TANK: variants seen among roughly 807,000 people sequenced by gnomAD.
TANK encodes TRAF family member-associated NF-kappa-B activator.
Under a neutral mutation model 43.6 loss-of-function variants are expected in TANK, and 15 were observed. The observed-to-expected ratio is 0.34, with a 90% CI of 0.23 to 0.53. The LOEUF is 0.53. Among genes scored for constraint, TANK ranks in the 20% least tolerant of loss-of-function variants. TANK has a pLI of 0.94. For synonymous variants in TANK, 162 were observed against 178.2 expected, an observed-to-expected ratio of 0.91 and a Z score of 0.73; for missense variants, 417 against 498.6, an observed-to-expected ratio of 0.84 and a Z score of 1.56.
intron 6 of TANK, chr2:161,227,162 A>G (rs1687673267): frequency 6.6e-6 from 1 of 152,182 alleles, no homozygotes; most frequent in Admixed American, 6.5e-5. Flanking sequence ...TAAGGTTTAA[A>G]TTTTTTTAAT....
chr2:161,226,683 T>C (rs1163535127), intron 6 of TANK, among the ~76,000 whole-genome samples: 2 of 152,168 alleles, frequency 1.3e-5, no homozygotes, highest in African/African-American at 4.8e-5. Context: ...ATTTCCTATT[T>C]ATTATTACTT....
intron 4 of TANK, chr2:161,216,589 CCA>C: frequency 6.2e-6 from 1 of 161,270 alleles, no homozygotes; most frequent in Non-Finnish European, 1.3e-5. Context: ...TCTTTCTTGG[CCA>C]AAAAAAAAAA....
At chr2:161,138,016 C>A in intron 1 of TANK, 2 of 633,280 alleles carry the variant, frequency 3.2e-6, no homozygotes, top group Non-Finnish European at 3.9e-6. Context: ...TTTTTCTCAT[C>A]TCATAAAAAG....
intron 4 of TANK, among the ~76,000 whole-genome samples, chr2:161,218,552 G>A (rs575719079): frequency 6.6e-6 from 1 of 152,128 alleles, no homozygotes; most frequent in South Asian, 2.1e-4. Flanking sequence ...TGGCTTGCCA[G>A]GTGCAGTGGC....
chr2:161,181,478 A>C (rs1345683030), intron 2 of TANK, among the ~76,000 whole-genome samples: 1 of 152,142 alleles, frequency 6.6e-6, no homozygotes, highest in Non-Finnish European at 1.5e-5. Context: ...TTGTGAAGAA[A>C]AGAGGTTTAA....
At chr2:161,213,329 G>T (rs545065835) in intron 4 of TANK, among the ~76,000 whole-genome samples, 1 of 152,006 alleles carries the variant, frequency 6.6e-6, no homozygotes, top group African/African-American at 2.4e-5. Flanking sequence ...CTGGCTGGGC[G>T]CAGTGGCTCA....
intron 4 of TANK, among the ~76,000 whole-genome samples, chr2:161,217,720 T>G (rs183817474): frequency 0.053 from 8,025 of 151,884 alleles, 673 homozygotes; most frequent in African/African-American, 0.18. Flanking sequence ...AAAGTCTAGT[T>G]TTTTGGTTTT....
At chr2:161,228,391 C>T (rs772269845) in intron 6 of TANK, among the ~76,000 whole-genome samples, 24 of 152,078 alleles carry the variant, frequency 1.6e-4, no homozygotes, top group East Asian at 1.9e-4. Context: ...ATTAGCCGGG[C>T]GTGGTGACGC....
intron 4 of TANK, among the ~76,000 whole-genome samples, chr2:161,210,698 A>C (rs1686846581): frequency 7.0e-6 from 1 of 143,214 alleles, no homozygotes; most frequent in African/African-American, 2.5e-5. Flanking sequence ...ACTCCGTCTA[A>C]AAAAAAAAAA....
chr2:161,144,240 A>G (rs1683837922), intron 1 of TANK, among the ~76,000 whole-genome samples: 1 of 151,634 alleles, frequency 6.6e-6, no homozygotes, highest in Admixed American at 6.6e-5. Context: ...TATTTTGTAA[A>G]CTTTTTCAAA....
chr2:161,205,183 A>G (rs1349316753), intron 4 of TANK, among the ~76,000 whole-genome samples: 1 of 152,074 alleles, frequency 6.6e-6, no homozygotes, highest in Non-Finnish European at 1.5e-5. Context: ...AAAATTAGCC[A>G]CGCAGAATGG....
chr2:161,200,355 C>T (rs967401091), intron 2 of TANK: 1 of 984,308 alleles, frequency 1.0e-6, no homozygotes, highest in Non-Finnish European at 1.2e-6. Context: ...TGTAAAAGGA[C>T]TTTTCTGGTT....
chr2:161,192,716 A>G (rs1462033332), intron 2 of TANK, among the ~76,000 whole-genome samples: 1 of 152,226 alleles, frequency 6.6e-6, no homozygotes, highest in Non-Finnish European at 1.5e-5. Context: ...TACTTCATAA[A>G]TAAGAAAGGA....
At chr2:161,206,210 G>A (rs1686646104) in intron 4 of TANK, among the ~76,000 whole-genome samples, 1 of 151,976 alleles carries the variant, frequency 6.6e-6, no homozygotes, top group Admixed American at 6.6e-5. Flanking sequence ...GTATATGTAT[G>A]TATATTATAT....
intron 1 of TANK, among the ~76,000 whole-genome samples, chr2:161,144,559 C>T (rs1472990029): frequency 6.6e-6 from 1 of 152,108 alleles, no homozygotes; most frequent in Non-Finnish European, 1.5e-5. Context: ...TCATTATTTA[C>T]CTAGGAGTCA....
chr2:161,140,831 G>C (rs936554159), intron 1 of TANK, among the ~76,000 whole-genome samples: 6 of 151,480 alleles, frequency 4.0e-5, no homozygotes, highest in Non-Finnish European at 7.4e-5. Flanking sequence ...TTAATGAATA[G>C]TCTGTCTTTT....
intron 2 of TANK, among the ~76,000 whole-genome samples, chr2:161,180,380 C>T (rs1450392912): frequency 2.6e-5 from 4 of 152,036 alleles, no homozygotes; most frequent in African/African-American, 7.2e-5. Context: ...ATTACTTAAC[C>T]TCATAGTTCT....
At chr2:161,180,408 C>T (rs982828334) in intron 2 of TANK, among the ~76,000 whole-genome samples, 3 of 152,118 alleles carry the variant, frequency 2.0e-5, no homozygotes, top group African/African-American at 7.2e-5. Context: ...ATGTCTGTTA[C>T]TGGTTCATGA....
rs747718521 is a variant in TANK at position 161,231,240 on chromosome 2, G to T, written c.790G>T (p.Val264Leu). 1 of 1,614,036 alleles carries T rather than the reference G, an allele frequency of 6.2e-7. No homozygotes were observed. Among genetic ancestry groups the T allele is most frequent in the Non-Finnish European group, 8.5e-7 (1 of 1,180,040 alleles). Residue 264 changes from valine (V) to leucine (L), a missense_variant, in exon 7 of 8, where the codon GTG becomes TTG. Val to Leu is a conservative substitution (Grantham distance 32). Coordinates refer to ENST00000392749, the MANE Select transcript of TANK (RefSeq NM_001199135.3). ...GILSPATSEA[V>L]CQEKFNMEFR... ...CCTTAGTCCTGCCACGTCTGAGGCA[G>T]TGTGCCAAGAGAAATTTAATATGGA...
Sources: allele counts gnomAD v4.1 joint callset (sites outside exome capture counted in the v4.1 genomes callset), GRCh38; gene constraint gnomAD v4.1.1; transcripts MANE v1.5; gene names NCBI Gene and HGNC (gene_info 2026-07-23, HGNC 2026-07-21).